Variants in MSRB3 observed in about 807,000 individuals in gnomAD.
MSRB3 encodes the protein methionine-R-sulfoxide reductase B3.
MSRB3 carries 13 observed loss-of-function variants against 21.0 expected under a neutral mutation model. The observed-to-expected ratio is 0.62, with a 90% confidence interval of 0.40 to 0.98. The LOEUF is 0.98. Among genes scored for constraint, MSRB3 ranks in the 50% least tolerant of loss-of-function variants. The pLI is 0.00. For missense variants in MSRB3, 199 were observed against 230.3 expected, an observed-to-expected ratio of 0.86 and a Z score of 0.88; for synonymous variants, 87 against 88.6, an observed-to-expected ratio of 0.98 and a Z score of 0.10.
At chr12:65,431,347 CAG>C (rs559268014) in intron 5 of MSRB3, among the ~76,000 whole-genome samples, 16 of 151,980 alleles carry the variant, frequency 1.1e-4, no homozygotes, top group Non-Finnish European at 1.8e-4. Context: ...CCTGTCATGA[CAG>C]AGAGGTTTTC....
At chr12:65,283,518 A>G (rs957973081) in intron 1 of MSRB3, among the ~76,000 whole-genome samples, 2 of 151,858 alleles carry the variant, frequency 1.3e-5, no homozygotes, top group African/African-American at 4.8e-5. Flanking sequence ...GCAGCCTCGA[A>G]CTCCCTAGAA....
chr12:65,295,900 A>G (rs1872935254), intron 1 of MSRB3, among the ~76,000 whole-genome samples: 1 of 152,222 alleles, frequency 6.6e-6, no homozygotes, highest in African/African-American at 2.4e-5. Flanking sequence ...GATAATTCTC[A>G]GGGTCACAAT....
intron 5 of MSRB3, among the ~76,000 whole-genome samples, chr12:65,424,417 C>A (rs1338710389): frequency 6.6e-6 from 1 of 151,914 alleles, no homozygotes; most frequent in Admixed American, 6.6e-5. Flanking sequence ...TATTTGAGAT[C>A]TTTCTTCTTT....
chr12:65,298,793 A>G (rs1873137362), intron 1 of MSRB3, among the ~76,000 whole-genome samples: 1 of 152,206 alleles, frequency 6.6e-6, no homozygotes, highest in South Asian at 2.1e-4. Context: ...AATGGGTGGC[A>G]AAGTTCTGAC....
chr12:65,422,388 G>GTATATATATATATATA (rs59746471), intron 5 of MSRB3, among the ~76,000 whole-genome samples: 16 of 92,458 alleles, frequency 1.7e-4, no homozygotes, highest in Non-Finnish European at 2.7e-4. Flanking sequence ...GGAGTACATA[G>GTATATATATATATATA]TATATATATA....
intron 5 of MSRB3, among the ~76,000 whole-genome samples, chr12:65,453,445 G>A (rs1047817595): frequency 6.6e-6 from 1 of 152,134 alleles, no homozygotes; most frequent in African/African-American, 2.4e-5. Flanking sequence ...AGCCTTCTAA[G>A]TTCAAGGATA....
chr12:65,462,151 T>C (rs1344800737), intron 6 of MSRB3, among the ~76,000 whole-genome samples: 1 of 152,156 alleles, frequency 6.6e-6, no homozygotes, highest in African/African-American at 2.4e-5. Flanking sequence ...TACCCCAGGC[T>C]TTGGTTTCTT....
chr12:65,366,795 G>A (rs532664975), intron 4 of MSRB3, among the ~76,000 whole-genome samples: 107 of 152,296 alleles, frequency 7.0e-4, no homozygotes, highest in African/African-American at 2.6e-3. Context: ...TTGTTAAGAT[G>A]GGAATTTCTA....
At chr12:65,279,426 C>G (rs1297314001) in intron 1 of MSRB3, 1 of 151,936 alleles carries the variant, frequency 6.6e-6, no homozygotes, top group Non-Finnish European at 1.5e-5. Flanking sequence ...CGCCCGCCCT[C>G]CCTGCGCTGC....
chr12:65,320,045 T>C (rs1038205899), intron 2 of MSRB3, among the ~76,000 whole-genome samples: 2 of 152,206 alleles, frequency 1.3e-5, no homozygotes, highest in Non-Finnish European at 1.5e-5. Context: ...CAATGGTATG[T>C]TGCCTTGGCA....
At chr12:65,387,428 G>T (rs1879250304) in intron 5 of MSRB3, among the ~76,000 whole-genome samples, 1 of 151,940 alleles carries the variant, frequency 6.6e-6, no homozygotes, top group Non-Finnish European at 1.5e-5. Context: ...TATCTGATAG[G>T]TAAAAAGTAG....
chr12:65,292,427 GTTGTCA>G (rs1325099300), intron 1 of MSRB3, among the ~76,000 whole-genome samples: 5 of 149,628 alleles, frequency 3.3e-5, no homozygotes, highest in African/African-American at 7.7e-5. Context: ...GTTAACTAGC[GTTGTCA>G]TTGTCATCGT....
rs555130094 is a variant in MSRB3 at position 65,331,914 on chromosome 12, G to T, written c.263+3311G>T. Among the ~76,000 whole-genome samples, 4 of 152,366 alleles carry T rather than the reference G, an allele frequency of 2.6e-5. No homozygotes were observed. The South Asian group carries it at 6.2e-4, about 24-fold the overall frequency. On this transcript the variant is annotated intron_variant, in intron 4 of 6. Transcript: ENST00000308259. ...GAAACTGCATGGGCTGTGGGATCTG[G>T]ATGTGAAATATGCTGCAAGCACTAG...
intron 1 of MSRB3, among the ~76,000 whole-genome samples, chr12:65,298,289 C>T (rs769347447): frequency 1.9e-4 from 29 of 152,126 alleles, no homozygotes; most frequent in Non-Finnish European, 3.8e-4. Flanking sequence ...TGGGCGTGAG[C>T]CACCACACCC....
chr12:65,341,525 T>TA (rs1268487969), intron 4 of MSRB3, among the ~76,000 whole-genome samples: 10 of 132,806 alleles, frequency 7.5e-5, no homozygotes, highest in East Asian at 6.2e-4. Context: ...GAGACTGTAG[T>TA]AAAAAAATAA....
chr12:65,367,298 T>A (rs977075799), intron 4 of MSRB3, among the ~76,000 whole-genome samples: 14 of 152,138 alleles, frequency 9.2e-5, no homozygotes, highest in Non-Finnish European at 4.4e-5. Flanking sequence ...ACTTATATGA[T>A]GAAGGGAAGA....
chr12:65,460,642 G>A (rs183578355), intron 6 of MSRB3, among the ~76,000 whole-genome samples: 101 of 151,644 alleles, frequency 6.7e-4, no homozygotes, highest in Non-Finnish European at 8.2e-4. Flanking sequence ...GACTCAAACC[G>A]TTTCTGAGGA....
rs1157188923 is a variant in MSRB3 at position 65,466,688 on chromosome 12, C to A, written c.*3366C>A. ...GCAATTTGAAAACTTCTCCGTATTACTTGTGTTTAAAATGTCTTGCTTTAA... is the reference window on the plus strand; with the variant it reads ...GCAATTTGAAAACTTCTCCGTATTAATTGTGTTTAAAATGTCTTGCTTTAA... On this transcript the variant is annotated 3_prime_UTR_variant, in exon 7 of 7. Coordinates refer to ENST00000308259, the MANE Select transcript of MSRB3 (RefSeq NM_001031679.3). 6.6e-6 allele frequency: 1 copy of A among 152,146 alleles called. No homozygotes were observed. The highest frequency in any genetic ancestry group is 1.5e-5 in the Non-Finnish European group (1 of 68,010). The allele number at this position is 152,146 out of a possible 1,614,324, so 9.4% of individuals were successfully genotyped here. A position where few individuals can be genotyped will look rare whatever the true frequency, so the allele number is the denominator to read the frequency against.
intron 4 of MSRB3, among the ~76,000 whole-genome samples, chr12:65,349,132 C>A (rs1374573479): frequency 5.9e-5 from 9 of 151,812 alleles, no homozygotes; most frequent in Non-Finnish European, 1.0e-4. Flanking sequence ...TTGTTCAATT[C>A]CCACCTATGA....
Sources: gnomAD v4.1 joint callset for allele counts (sites outside exome capture counted in the v4.1 genomes callset) on GRCh38, gnomAD v4.1.1 for gene constraint, MANE v1.5 for transcripts, NCBI Gene and HGNC (gene_info 2026-07-23, HGNC 2026-07-21) for gene names.